EEF1AKMT2: variants seen among roughly 807,000 people sequenced by gnomAD.
The protein encoded by EEF1AKMT2 is EEF1A lysine methyltransferase 2, also known as eukaryotic translation elongation factor 1 alpha lysine methyltransferase 2.
EEF1AKMT2 carries 32 observed loss-of-function variants against 35.8 expected under a neutral mutation model. That is an observed-to-expected ratio of 0.89 (90% confidence interval 0.67 to 1.20). The LOEUF (loss-of-function observed/expected upper bound fraction) is 1.20, where lower values mean the gene tolerates loss of function less well. Ranked by LOEUF, EEF1AKMT2 falls within the 50% of genes most tolerant of loss-of-function variation. EEF1AKMT2 has a pLI of 0.00. For missense variants in EEF1AKMT2, 330 were observed against 347.5 expected, an observed-to-expected ratio of 0.95 and a Z score of 0.40; for synonymous variants, 121 against 133.7, an observed-to-expected ratio of 0.91 and a Z score of 0.65.
intron 3 of EEF1AKMT2, among the ~76,000 whole-genome samples, chr10:124,782,583 A>C (rs1589791326): frequency 4.7e-5 from 1 of 21,318 alleles, no homozygotes; most frequent in Non-Finnish European, 1.5e-4. Flanking sequence ...CTCCGTCTCA[A>C]AAAAAAAAAA....
chr10:124,766,021 G>A (rs1202701071), intron 4 of EEF1AKMT2, among the ~76,000 whole-genome samples: 1 of 152,088 alleles, frequency 6.6e-6, no homozygotes, highest in Non-Finnish European at 1.5e-5. Flanking sequence ...TTGAAGACAG[G>A]AGTCTTGCTA....
chr10:124,790,364 A>G, intron 1 of EEF1AKMT2, 26 bp from the exon 2 acceptor site: 1 of 1,502,460 alleles, frequency 6.7e-7, no homozygotes, highest in Middle Eastern at 1.7e-4. Context: ...AATGCAAAGC[A>G]AGACTCTTGA....
chr10:124,775,625 T>TA (rs1391295991), intron 3 of EEF1AKMT2, among the ~76,000 whole-genome samples: 1 of 152,200 alleles, frequency 6.6e-6, no homozygotes, highest in East Asian at 1.9e-4. Context: ...CTTTAAAACT[T>TA]AACCTACTGC....
intron 5 of EEF1AKMT2, among the ~76,000 whole-genome samples, chr10:124,763,857 T>C (rs1357641938): frequency 1.3e-5 from 2 of 152,120 alleles, no homozygotes; most frequent in Admixed American, 6.6e-5. Flanking sequence ...GACTTATTGA[T>C]ACAGGGCCTC....
At position 124,767,246 on chromosome 10, in the gene EEF1AKMT2, G is replaced by T. The variant is rs192442696; in HGVS notation, c.400-1638C>A. 2.7e-5 allele frequency among the ~76,000 whole-genome samples: 4 copies of T among 150,734 alleles called. No homozygotes were observed. In the East Asian group the frequency reaches 7.8e-4, roughly 29 times the overall value. ...TACCTTATATTGGCCGGGCGCAGTG[G>T]CTCACGCCTGTAATCCCAACACTTA... On this transcript the variant is annotated intron_variant, in intron 4 of 6. Transcript: ENST00000368836.
At position 124,791,717 on chromosome 10, in the gene EEF1AKMT2, C is replaced by T. The variant is rs1278057591; in HGVS notation, c.110+7G>A. On this transcript the variant is annotated splice_region_variant and intron_variant, in intron 1 of 6. Transcript: ENST00000368836. ...GCTCATCCTCCCCTGCCCAGCGTCACACTCACTGCTCGCGGGTCCCCAGCG... is the reference window on the plus strand; with the variant it reads ...GCTCATCCTCCCCTGCCCAGCGTCATACTCACTGCTCGCGGGTCCCCAGCG... 1.3e-6 allele frequency: 2 copies of T among 1,578,242 alleles called. No homozygotes were observed. The highest frequency in any genetic ancestry group is 1.7e-6 in the Non-Finnish European group (2 of 1,166,744).
At chr10:124,790,633 TC>T (rs1265630443) in intron 1 of EEF1AKMT2, among the ~76,000 whole-genome samples, 1 of 152,180 alleles carries the variant, frequency 6.6e-6, no homozygotes, top group Non-Finnish European at 1.5e-5. Context: ...TATCCCTAAG[TC>T]CCTGACCCAA....
Position 124,790,272 on chromosome 10 carries a change from C to T in EEF1AKMT2, c.176+1G>A, listed in dbSNP as rs1369654442. On this transcript the variant is annotated splice_donor_variant, in intron 2 of 6. Transcript: ENST00000368836. LOFTEE classifies it high-confidence loss of function. ...ATAACTTGATTCTTTTCCTAACTCA[C>T]CAGATTTCACCTGTATCTCCATATT... 1 of 1,602,678 alleles carries T rather than the reference C, an allele frequency of 6.2e-7. No individual in the cohort carries two copies. Among genetic ancestry groups the T allele is most frequent in the South Asian group, 1.1e-5 (1 of 90,844 alleles).
At position 124,791,632 on chromosome 10, in the gene EEF1AKMT2, C is replaced by G; in HGVS notation, c.110+92G>C. On this transcript the variant is annotated intron_variant, in intron 1 of 6. Transcript: ENST00000368836. ...GTCACGCCCCCGAGGGTCTCCCTGT[C>G]CCTGAGCCCCGGGTCTCCACCCCGC... The G allele has an allele frequency of 2.0e-6, 3 of 1,518,600 alleles. No individual in the cohort carries two copies. The Admixed American group carries it at 6.0e-5, about 30-fold the overall frequency. The allele number at this position is 1,518,600 out of a possible 1,614,324, so 94.1% of individuals were successfully genotyped here. A position where few individuals can be genotyped will look rare whatever the true frequency, so the allele number is the denominator to read the frequency against.
rs1950541693 is a variant in EEF1AKMT2 at position 124,781,655 on chromosome 10, G to A, written c.292-6873C>T. Among the ~76,000 whole-genome samples, 5 of 141,244 alleles carry A rather than the reference G, an allele frequency of 3.5e-5. No individual in the cohort carries two copies. The South Asian group carries it at 9.2e-4, about 26-fold the overall frequency. The allele number at this position is 141,244 out of a possible 152,430, so 92.7% of individuals were successfully genotyped here. A position where few individuals can be genotyped will look rare whatever the true frequency, so the allele number is the denominator to read the frequency against. Reference sequence around the variant, plus strand: ...AAAAACACTCCTTAGGAATGAAGGTGAAATAAAGCTATTCTCAGGTAAAGG... The same window carrying A: ...AAAAACACTCCTTAGGAATGAAGGTAAAATAAAGCTATTCTCAGGTAAAGG... On this transcript the variant is annotated intron_variant, in intron 3 of 6. Coordinates refer to ENST00000368836, the MANE Select transcript of EEF1AKMT2 (RefSeq NM_212554.4).
At chr10:124,768,618 T>G (rs1323432960) in intron 4 of EEF1AKMT2, among the ~76,000 whole-genome samples, 1 of 151,946 alleles carries the variant, frequency 6.6e-6, no homozygotes, top group African/African-American at 2.4e-5. Context: ...GGTGTGGTGG[T>G]GCATGCCTGT....
downstream of EEF1AKMT2, among the ~76,000 whole-genome samples, chr10:124,757,126 A>T (rs535367962): frequency 5.3e-4 from 81 of 151,506 alleles, no homozygotes; most frequent in Admixed American, 1.7e-3. Flanking sequence ...AGTGAAATGT[A>T]CGAGACAAGA....
At chr10:124,790,683 T>A (rs1336847670) in intron 1 of EEF1AKMT2, among the ~76,000 whole-genome samples, 1 of 152,212 alleles carries the variant, frequency 6.6e-6, no homozygotes, top group Admixed American at 6.5e-5. Context: ...TGGTCTCAAG[T>A]GTGCAGGCAC....
intron 4 of EEF1AKMT2, among the ~76,000 whole-genome samples, chr10:124,772,586 G>A (rs1380968963): frequency 6.6e-6 from 1 of 151,866 alleles, no homozygotes; most frequent in Non-Finnish European, 1.5e-5. Flanking sequence ...CCACCACCAT[G>A]CCCAGCTAAC....
Position 124,778,732 on chromosome 10 carries a change from A to G in EEF1AKMT2, c.292-3950T>C, listed in dbSNP as rs540632707. Among the ~76,000 whole-genome samples, 4 of 151,972 alleles carry G rather than the reference A, an allele frequency of 2.6e-5. No homozygotes were observed. In the East Asian group the frequency reaches 7.7e-4, roughly 29 times the overall value. On this transcript the variant is annotated intron_variant, in intron 3 of 6. Coordinates refer to ENST00000368836, the MANE Select transcript of EEF1AKMT2 (RefSeq NM_212554.4). ...CGTGAGACTCCGTACCAAAAAAAAA[A>G]AAAAAGAAAAACAGAAAAATCTCAA...
At chr10:124,781,007 G>A (rs1041077600) in intron 3 of EEF1AKMT2, among the ~76,000 whole-genome samples, 1 of 151,630 alleles carries the variant, frequency 6.6e-6, no homozygotes, top group Non-Finnish European at 1.5e-5. Flanking sequence ...ATGCAGTGGC[G>A]CGATCTTGGC....
At chr10:124,766,030 T>TA (rs1306977079) in intron 4 of EEF1AKMT2, among the ~76,000 whole-genome samples, 1 of 152,210 alleles carries the variant, frequency 6.6e-6, no homozygotes, top group African/African-American at 2.4e-5. Context: ...GGAGTCTTGC[T>TA]ATGTTGCCCG....
chr10:124,762,169 C>T (rs1262850157), intron 6 of EEF1AKMT2, 131 bp downstream of exon 6: 1 of 664,522 alleles, frequency 1.5e-6, no homozygotes, highest in Non-Finnish European at 2.0e-6. Context: ...CAATGCGCCA[C>T]CCCACGCCAT....
At chr10:124,771,639 G>A (rs1360180842) in intron 4 of EEF1AKMT2, among the ~76,000 whole-genome samples, 2 of 151,890 alleles carry the variant, frequency 1.3e-5, no homozygotes, top group African/African-American at 4.8e-5. Context: ...GGAGGCCAAG[G>A]CAGGCGGATC....
Sources: allele counts gnomAD v4.1 joint callset (sites outside exome capture counted in the v4.1 genomes callset), GRCh38; gene constraint gnomAD v4.1.1; transcripts MANE v1.5; gene names NCBI Gene and HGNC (gene_info 2026-07-23, HGNC 2026-07-21).